Variants in PTPRD observed in about 807,000 individuals in gnomAD.
PTPRD encodes receptor-type tyrosine-protein phosphatase delta.
Under a neutral mutation model 214.5 loss-of-function variants are expected in PTPRD, and 34 were observed. That is an observed-to-expected ratio of 0.16 (90% CI 0.12 to 0.21). The LOEUF is 0.21. PTPRD is among the 10% of genes least tolerant of loss of function. PTPRD has a pLI of 1.00. For missense variants in PTPRD, 2,545 were observed against 2,398.7 expected, an observed-to-expected ratio of 1.06 and a Z score of -1.27; for synonymous variants, 1,128 against 845.7, an observed-to-expected ratio of 1.33 and a Z score of -5.79.
At chr9:10,232,030 G>GTGTGTGTGTGTGA (rs1554905856) in intron 3 of PTPRD, among the ~76,000 whole-genome samples, 1 of 135,518 alleles carries the variant, frequency 7.4e-6, no homozygotes, top group African/African-American at 2.8e-5. Flanking sequence ...GTGTGTGTGA[G>GTGTGTGTGTGTGA]GTGCACTCTG....
intron 5 of PTPRD, among the ~76,000 whole-genome samples, chr9:9,926,557 T>A (rs775253858): frequency 7.2e-5 from 11 of 152,064 alleles, no homozygotes; most frequent in Non-Finnish European, 1.5e-4. Flanking sequence ...CCAAACTCTA[T>A]GATTTAAAAT....
At chr9:10,326,746 T>C (rs1278642596) in intron 3 of PTPRD, among the ~76,000 whole-genome samples, 1 of 151,648 alleles carries the variant, frequency 6.6e-6, no homozygotes, top group African/African-American at 2.4e-5. Context: ...AACATTTTTG[T>C]GTTTTTGTAT....
chr9:10,183,892 G>C (rs72696962), intron 3 of PTPRD, among the ~76,000 whole-genome samples: 1 of 152,290 alleles, frequency 6.6e-6, no homozygotes, highest in African/African-American at 2.4e-5. Context: ...TATTATAATT[G>C]TGTTCTGATT....
chr9:9,922,846 AGAG>A (rs2082964956), intron 5 of PTPRD, among the ~76,000 whole-genome samples: 2 of 152,042 alleles, frequency 1.3e-5, no homozygotes, highest in Admixed American at 1.3e-4. Context: ...AGGGGACTGA[AGAG>A]ATATGACAAC....
intron 11 of PTPRD, among the ~76,000 whole-genome samples, chr9:8,984,697 G>A (rs549281701): frequency 2.6e-5 from 4 of 152,210 alleles, no homozygotes; most frequent in East Asian, 1.9e-4. Flanking sequence ...GCAGCCTTGA[G>A]TTTAACTGTT....
At chr9:9,924,004 T>G (rs2083422992) in intron 5 of PTPRD, among the ~76,000 whole-genome samples, 1 of 152,056 alleles carries the variant, frequency 6.6e-6, no homozygotes, top group Non-Finnish European at 1.5e-5. Context: ...TTATTTTGTA[T>G]ATTTGAAATT....
chr9:8,864,397 T>G lies in PTPRD; in HGVS notation c.-103-130451A>C, dbSNP rs2098160081. ...TCTAGAGGGTGCTGAATCTCCTTAA[T>G]GAAAGAATGTGCTTTAAGATTCAAT... On this transcript the variant is annotated intron_variant, in intron 11 of 45. Transcript: ENST00000381196. 2.0e-5 allele frequency among the ~76,000 whole-genome samples: 3 copies of G among 152,166 alleles called. No homozygotes were observed. The South Asian group carries it at 6.2e-4, about 31-fold the overall frequency.
intron 8 of PTPRD, among the ~76,000 whole-genome samples, chr9:9,523,134 T>G (rs2097029926): frequency 6.6e-6 from 1 of 152,150 alleles, no homozygotes; most frequent in African/African-American, 2.4e-5. Context: ...CATAATGAAT[T>G]TTAAGTTTTA....
intron 8 of PTPRD, among the ~76,000 whole-genome samples, chr9:9,402,394 A>T (rs1168542176): frequency 6.6e-6 from 1 of 152,158 alleles, no homozygotes; most frequent in Non-Finnish European, 1.5e-5. Context: ...GTTTGAATTT[A>T]TACCACCCAC....
intron 9 of PTPRD, among the ~76,000 whole-genome samples, chr9:9,296,670 A>G (rs2134414001): frequency 6.6e-6 from 1 of 151,824 alleles, no homozygotes; most frequent in African/African-American, 2.4e-5. Context: ...AAGAGAGAGA[A>G]TGTAGAATGA....
intron 9 of PTPRD, among the ~76,000 whole-genome samples, chr9:9,264,740 T>C (rs923019036): frequency 1.3e-5 from 2 of 151,490 alleles, no homozygotes; most frequent in African/African-American, 2.4e-5. Flanking sequence ...CACATTAAAA[T>C]AAAACTGTCA....
chr9:8,683,939 G>A (rs1482963163), intron 12 of PTPRD, among the ~76,000 whole-genome samples: 1 of 152,162 alleles, frequency 6.6e-6, no homozygotes. Context: ...AGAAAGGGAG[G>A]TGTCTGAGGA....
intron 2 of PTPRD, among the ~76,000 whole-genome samples, chr9:10,490,309 T>C (rs1489899517): frequency 6.6e-6 from 1 of 152,170 alleles, no homozygotes; most frequent in African/African-American, 2.4e-5. Flanking sequence ...TAATGAATGA[T>C]TTAAATATCT....
At chr9:9,879,385 T>A (rs551125920) in intron 5 of PTPRD, among the ~76,000 whole-genome samples, 1 of 152,290 alleles carries the variant, frequency 6.6e-6, no homozygotes, top group Admixed American at 6.5e-5. Flanking sequence ...TAGAATTGAA[T>A]CTGCCTAAGG....
chr9:8,738,319 G>C (rs2091000326), intron 11 of PTPRD, among the ~76,000 whole-genome samples: 2 of 152,050 alleles, frequency 1.3e-5, no homozygotes, highest in African/African-American at 4.8e-5. Context: ...TCTGTAATAA[G>C]TATATTCATA....
intron 8 of PTPRD, among the ~76,000 whole-genome samples, chr9:9,485,094 A>G (rs1008645372): frequency 2.0e-5 from 3 of 152,194 alleles, no homozygotes; most frequent in Non-Finnish European, 2.9e-5. Context: ...TGAAAGATCA[A>G]TGGATGTTCA....
At chr9:8,904,192 A>G (rs1006366486) in intron 11 of PTPRD, among the ~76,000 whole-genome samples, 3 of 152,168 alleles carry the variant, frequency 2.0e-5, no homozygotes, top group Non-Finnish European at 2.9e-5. Flanking sequence ...GTGGCACTTT[A>G]CCTTTAAGTA....
chr9:9,414,641 A>G (rs2076479554), intron 8 of PTPRD: 1 of 152,196 alleles, frequency 6.6e-6, no homozygotes, highest in Non-Finnish European at 1.5e-5. Flanking sequence ...CAAGATTAGA[A>G]CCATCATATC....
chr9:9,485,217 A>T (rs926744196), intron 8 of PTPRD, among the ~76,000 whole-genome samples: 1 of 152,192 alleles, frequency 6.6e-6, no homozygotes, highest in Non-Finnish European at 1.5e-5. Flanking sequence ...TGGGTAAAAA[A>T]ATTGAAGCAT....
Sources: allele counts gnomAD v4.1 joint callset (sites outside exome capture counted in the v4.1 genomes callset), GRCh38; gene constraint gnomAD v4.1.1; transcripts MANE v1.5; gene names NCBI Gene and HGNC (gene_info 2026-07-23, HGNC 2026-07-21).